The following MAP6 variants were observed in gnomAD, a reference collection of about 807,000 sequenced individuals.
MAP6 encodes the protein microtubule associated protein 6.
MAP6 carries 26 observed loss-of-function variants against 42.4 expected under a neutral mutation model. The ratio of observed to expected loss-of-function variants is 0.61; its 90% confidence interval spans 0.45 to 0.85. The LOEUF is 0.85. MAP6 is among the 40% of genes least tolerant of loss of function. The pLI is 0.00. For synonymous variants in MAP6, 418 were observed against 443.8 expected (o/e 0.94, Z 0.73); for missense variants, 966 against 1,099.0 (o/e 0.88, Z 1.71).
chr11:75,595,207 A>C (rs1206081762), intron 3 of MAP6, among the ~76,000 whole-genome samples: 5 of 152,194 alleles, frequency 3.3e-5, no homozygotes, highest in African/African-American at 1.2e-4. Context: ...GCCACTGGTT[A>C]GACCTGAGCA....
chr11:75,606,310 T>C (rs1452254984), intron 2 of MAP6, among the ~76,000 whole-genome samples: 1 of 152,154 alleles, frequency 6.6e-6, no homozygotes, highest in Non-Finnish European at 1.5e-5. Flanking sequence ...CCCCTCCCTG[T>C]AGGAAGTTAA....
intron 1 of MAP6, among the ~76,000 whole-genome samples, chr11:75,624,505 G>A (rs941727845): frequency 5.3e-5 from 8 of 152,120 alleles, no homozygotes; most frequent in Non-Finnish European, 1.2e-4. Flanking sequence ...GTCATGGCCA[G>A]TCAGGGCCTG....
At chr11:75,625,881 A>T (rs1943185218) in intron 1 of MAP6, among the ~76,000 whole-genome samples, 1 of 151,720 alleles carries the variant, frequency 6.6e-6, no homozygotes, top group Non-Finnish European at 1.5e-5. Flanking sequence ...TCAAGGCCAG[A>T]CTCCCCAGCC....
At chr11:75,664,237 G>T (rs1049924672) in intron 1 of MAP6, among the ~76,000 whole-genome samples, 26 of 152,202 alleles carry the variant, frequency 1.7e-4, no homozygotes, top group African/African-American at 6.3e-4. Flanking sequence ...TCATGTTTGT[G>T]AATAATCCCA....
intron 1 of MAP6, among the ~76,000 whole-genome samples, chr11:75,656,167 T>C (rs536264262): frequency 3.3e-5 from 5 of 152,302 alleles, no homozygotes; most frequent in East Asian, 1.9e-4. Flanking sequence ...CTCTAGGATA[T>C]GCCACAATGT....
intron 1 of MAP6, among the ~76,000 whole-genome samples, chr11:75,614,585 C>G (rs1942963240): frequency 6.6e-6 from 1 of 152,184 alleles, no homozygotes; most frequent in African/African-American, 2.4e-5. Context: ...GAGGCTTCCT[C>G]CCAAAAGCCA....
At chr11:75,646,767 T>C (rs1162860564) in intron 1 of MAP6, among the ~76,000 whole-genome samples, 1 of 151,986 alleles carries the variant, frequency 6.6e-6, no homozygotes, top group Non-Finnish European at 1.5e-5. Flanking sequence ...ACCACTGCAC[T>C]CCAGCGTGCG....
chr11:75,616,046 G>A (rs1278464216), intron 1 of MAP6, among the ~76,000 whole-genome samples: 1 of 152,244 alleles, frequency 6.6e-6, no homozygotes, highest in East Asian at 1.9e-4. Context: ...TTTGAAAAAC[G>A]CTGACATTTA....
chr11:75,664,356 AGG>A (rs979298212), intron 1 of MAP6, among the ~76,000 whole-genome samples: 2 of 152,238 alleles, frequency 1.3e-5, no homozygotes, highest in African/African-American at 4.8e-5. Flanking sequence ...ATAATGTCAA[AGG>A]GTATCTAATG....
chr11:75,601,861 C>T (rs974388146), intron 3 of MAP6, among the ~76,000 whole-genome samples: 1 of 149,610 alleles, frequency 6.7e-6, no homozygotes, highest in Admixed American at 6.7e-5. Flanking sequence ...ACCCCTCTAT[C>T]TAGCATGCCT....
chr11:75,624,221 A>G (rs373920161), intron 1 of MAP6, among the ~76,000 whole-genome samples: 15 of 152,334 alleles, frequency 9.8e-5, no homozygotes, highest in African/African-American at 3.6e-4. Context: ...CAGGCCATGA[A>G]ATCCAGAGAG....
chr11:75,649,382 T>C (rs1943611682), intron 1 of MAP6, among the ~76,000 whole-genome samples: 1 of 152,098 alleles, frequency 6.6e-6, no homozygotes, highest in Non-Finnish European at 1.5e-5. Flanking sequence ...TGAAGAGGTA[T>C]ACATGAAAGT....
chr11:75,592,259 C>T (rs1175872710), intron 3 of MAP6, among the ~76,000 whole-genome samples: 1 of 152,210 alleles, frequency 6.6e-6, no homozygotes, highest in African/African-American at 2.4e-5. Context: ...TCTCTCTCCG[C>T]TTTCTCACAT....
At chr11:75,590,824 G>C (rs1003298914) in intron 3 of MAP6, among the ~76,000 whole-genome samples, 14 of 152,176 alleles carry the variant, frequency 9.2e-5, no homozygotes, top group African/African-American at 3.4e-4. Flanking sequence ...AAAATTAGCT[G>C]GGTGTGGTGG....
chr11:75,590,482 C>T (rs1942458221), intron 3 of MAP6, among the ~76,000 whole-genome samples: 1 of 152,194 alleles, frequency 6.6e-6, no homozygotes, highest in South Asian at 2.1e-4. Flanking sequence ...GCATTGGCTC[C>T]TGTGCCACCT....
At chr11:75,639,872 G>C (rs1247187803) in intron 1 of MAP6, among the ~76,000 whole-genome samples, 1 of 152,166 alleles carries the variant, frequency 6.6e-6, no homozygotes, top group Non-Finnish European at 1.5e-5. Context: ...CTGTTGTCTA[G>C]AGGCTTCCTC....
chr11:75,595,730 A>AC (rs1361200837), intron 3 of MAP6, among the ~76,000 whole-genome samples: 8 of 66,070 alleles, frequency 1.2e-4, no homozygotes, highest in Non-Finnish European at 1.9e-4. Context: ...CCCCACCCCC[A>AC]CCCCCACCTT....
At chr11:75,657,454 T>C (rs917775449) in intron 1 of MAP6, among the ~76,000 whole-genome samples, 1 of 152,120 alleles carries the variant, frequency 6.6e-6, no homozygotes, top group Non-Finnish European at 1.5e-5. Context: ...TAGGGAGGGC[T>C]GGGAAATATT....
chr11:75,616,280 C>T (rs929857301), intron 1 of MAP6, among the ~76,000 whole-genome samples: 8 of 152,128 alleles, frequency 5.3e-5, no homozygotes, highest in African/African-American at 1.9e-4. Flanking sequence ...GTGTCTAAAT[C>T]CTGGGAAAAT....
Sources: gnomAD v4.1 joint callset for allele counts (sites outside exome capture counted in the v4.1 genomes callset) on GRCh38, gnomAD v4.1.1 for gene constraint, MANE v1.5 for transcripts, NCBI Gene and HGNC (gene_info 2026-07-23, HGNC 2026-07-21) for gene names.